SERPINB2: variants seen among roughly 807,000 people sequenced by gnomAD.
SERPINB2 encodes the protein serpin family B member 2, also known as plasminogen activator inhibitor 2.
A neutral mutation model predicts 39.4 loss-of-function variants in SERPINB2; 28 were observed. The ratio of observed to expected loss-of-function variants is 0.71; its 90% CI spans 0.53 to 0.97. The LOEUF is 0.97. SERPINB2 is among the 50% of genes least tolerant of loss of function. The pLI is 0.00. For synonymous variants in SERPINB2, 209 were observed against 175.1 expected, an observed-to-expected ratio of 1.19 and a Z score of -1.53; for missense variants, 557 against 505.3, an observed-to-expected ratio of 1.10 and a Z score of -0.98.
At chr18:63,891,726 A>G in intron 2 of SERPINB2, 114 bp downstream of exon 2, 2 of 1,028,632 alleles carry the variant, frequency 1.9e-6, no homozygotes, top group Non-Finnish European at 1.4e-6. Context: ...CAATCATCAC[A>G]GGTAATGAAG....
intron 3 of SERPINB2, among the ~76,000 whole-genome samples, chr18:63,896,110 G>A (rs1047782634): frequency 6.6e-6 from 1 of 152,092 alleles, no homozygotes; most frequent in Non-Finnish European, 1.5e-5. Context: ...TTATGAAGAG[G>A]TATCTCCCAA....
chr18:63,895,778 T>C (rs747005645), intron 3 of SERPINB2, among the ~76,000 whole-genome samples: 8 of 152,196 alleles, frequency 5.3e-5, no homozygotes, highest in Non-Finnish European at 8.8e-5. Flanking sequence ...GGCCCAATGA[T>C]TGCATGAGAA....
At chr18:63,898,463 G>T (rs2144703608) in intron 5 of SERPINB2, among the ~76,000 whole-genome samples, 1 of 152,230 alleles carries the variant, frequency 6.6e-6, no homozygotes, top group Middle Eastern at 3.4e-3. Flanking sequence ...TTGTAATTTA[G>T]TTTATTAAGT....
chr18:63,893,293 T>G (rs2049938518), intron 2 of SERPINB2, among the ~76,000 whole-genome samples: 1 of 152,210 alleles, frequency 6.6e-6, no homozygotes, highest in African/African-American at 2.4e-5. Context: ...AAATGCTAAA[T>G]GAAGTGCTCT....
At chr18:63,901,969 T>C (rs2049994489) in intron 6 of SERPINB2, 87 bp downstream of exon 6, 4 of 1,258,996 alleles carry the variant, frequency 3.2e-6, no homozygotes, top group Admixed American at 5.1e-5. Flanking sequence ...CCGCTCATTA[T>C]AGACTTGCTA....
chr18:63,891,631 T>C lies in SERPINB2; in HGVS notation c.168+19T>C. On this transcript the variant is annotated intron_variant, in intron 2 of 7. Transcript: ENST00000299502. ...GGCCAAGGTGAGTTTGAGCTGAAGC[T>C]CCACATTTGGGCCGAGTAGTTCCTG... 1 of 1,608,530 alleles carries C rather than the reference T, an allele frequency of 6.2e-7. No homozygotes were observed. Among genetic ancestry groups the C allele is most frequent in the South Asian group, 1.1e-5 (1 of 90,798 alleles).
At chr18:63,896,264 C>T (rs1429781432) in intron 3 of SERPINB2, among the ~76,000 whole-genome samples, 3 of 152,152 alleles carry the variant, frequency 2.0e-5, no homozygotes, top group African/African-American at 7.2e-5. Flanking sequence ...GGGCTCTGTC[C>T]CCTGCCCTAG....
At chr18:63,889,659 A>T (rs28619869) in intron 1 of SERPINB2, among the ~76,000 whole-genome samples, 32,492 of 151,860 alleles carry the variant, frequency 0.21, 3,615 homozygotes, top group Admixed American at 0.31. Flanking sequence ...CAATAAATCT[A>T]TTTAATTATG....
chr18:63,891,695 C>A, intron 2 of SERPINB2, 83 bp downstream of exon 2: 1 of 1,344,600 alleles, frequency 7.4e-7, no homozygotes, highest in Non-Finnish European at 1.0e-6. Context: ...ATGCTAAAGA[C>A]ATTTTAACTC....
rs2050009139 is a variant in SERPINB2 at position 63,903,654 on chromosome 18, T to C, written c.*349T>C. 1 of 158,476 alleles carries C rather than the reference T, an allele frequency of 6.3e-6. No homozygotes were observed. Among genetic ancestry groups the C allele is most frequent in the South Asian group, 2.0e-4 (1 of 4,912 alleles). 9.8% of individuals were successfully genotyped at this position (158,476 alleles called of 1,614,324 possible). ...GCCTATTTAATGTAGCTAATAAAGT[T>C]ATAGAAGCAGATGATCTGTTAATTT... On this transcript the variant is annotated 3_prime_UTR_variant, in exon 8 of 8. Transcript: ENST00000299502.
At chr18:63,896,268 G>T (rs987596143) in intron 3 of SERPINB2, among the ~76,000 whole-genome samples, 1 of 152,200 alleles carries the variant, frequency 6.6e-6, no homozygotes. Context: ...TCTGTCCCCT[G>T]CCCTAGGACA....
intron 2 of SERPINB2, among the ~76,000 whole-genome samples, chr18:63,892,149 T>C (rs2049930633): frequency 6.6e-6 from 1 of 151,114 alleles, no homozygotes; most frequent in African/African-American, 2.4e-5. Flanking sequence ...GTGCTCACTA[T>C]ACCCACAGGA....
chr18:63,895,016 T>A (rs1348498489), intron 2 of SERPINB2, among the ~76,000 whole-genome samples: 1 of 152,180 alleles, frequency 6.6e-6, no homozygotes, highest in Non-Finnish European at 1.5e-5. Context: ...TAATAACAAT[T>A]TGTTTTCCAA....
intron 1 of SERPINB2, chr18:63,890,031 C>T (rs2049915849): frequency 6.6e-6 from 1 of 152,130 alleles, no homozygotes; most frequent in African/African-American, 2.4e-5. Flanking sequence ...AGGATATAAT[C>T]TATAAAATAG....
intron 5 of SERPINB2, among the ~76,000 whole-genome samples, chr18:63,900,117 G>T (rs933773757): frequency 6.6e-6 from 1 of 152,192 alleles, no homozygotes; most frequent in African/African-American, 2.4e-5. Flanking sequence ...CTAAATGGCT[G>T]TAAGTCAATC....
chr18:63,889,648 AC>A (rs2049913266), intron 1 of SERPINB2, among the ~76,000 whole-genome samples: 1 of 152,102 alleles, frequency 6.6e-6, no homozygotes, highest in Non-Finnish European at 1.5e-5. Context: ...AAAAATCTGT[AC>A]AATAAATCTA....
In SERPINB2 at chr18:63,894,867, G is replaced by A. The variant is rs1334774057; in HGVS notation, c.169-397G>A. Among the ~76,000 whole-genome samples the A allele has an allele frequency of 7.9e-5, 12 of 152,180 alleles. No individual in the cohort carries two copies. In the South Asian group the frequency reaches 2.5e-3, roughly 32 times the overall value. On this transcript the variant is annotated intron_variant, in intron 2 of 7. Transcript: ENST00000299502. ...AGATTGAAAGTATTTTGTGTATAAG[G>A]CCACTGAAAAGAGAGAGACACACAA...
At chr18:63,893,202 A>T (rs1197344110) in intron 2 of SERPINB2, among the ~76,000 whole-genome samples, 3 of 152,232 alleles carry the variant, frequency 2.0e-5, no homozygotes, top group Non-Finnish European at 4.4e-5. Flanking sequence ...TGCTGGGATT[A>T]TAGGCGTGAG....
Position 63,901,737 on chromosome 18 carries a change from T to C in SERPINB2, c.536-3T>C, listed in dbSNP as rs748754737. 1 of 1,538,580 alleles carries C rather than the reference T, an allele frequency of 6.5e-7. No individual in the cohort carries two copies. Among genetic ancestry groups the C allele is most frequent in the South Asian group, 1.3e-5 (1 of 76,582 alleles). On this transcript the variant is annotated splice_region_variant and splice_polypyrimidine_tract_variant and intron_variant, in intron 5 of 7. Coordinates refer to ENST00000299502, the MANE Select transcript of SERPINB2 (RefSeq NM_002575.3). ...ACCTAAATATATGTTATGTTTTCTG[T>C]AGGCAAAATCCCAAACTTGTTACCT...
Sources: allele counts gnomAD v4.1 joint callset (sites outside exome capture counted in the v4.1 genomes callset), GRCh38; gene constraint gnomAD v4.1.1; transcripts MANE v1.5; gene names NCBI Gene and HGNC (gene_info 2026-07-23, HGNC 2026-07-21).